The following GRID2 variants were observed in gnomAD, a reference collection of about 807,000 sequenced individuals.
GRID2 encodes glutamate receptor ionotropic, delta-2.
Under a neutral mutation model 114.8 loss-of-function variants are expected in GRID2, and 33 were observed. The ratio of observed to expected loss-of-function variants is 0.29; its 90% CI spans 0.22 to 0.38. The LOEUF (loss-of-function observed/expected upper bound fraction) is 0.38, where lower values mean the gene tolerates loss of function less well. Ranked by LOEUF, GRID2 falls within the 10% of genes least tolerant of loss-of-function variation. The pLI, the probability that GRID2 is intolerant of heterozygous loss-of-function variation, is 1.00. For missense variants in GRID2, 1,184 were observed against 1,257.7 expected, an observed-to-expected ratio of 0.94 and a Z score of 0.89; for synonymous variants, 505 against 449.9, an observed-to-expected ratio of 1.12 and a Z score of -1.55.
intron 1 of GRID2, among the ~76,000 whole-genome samples, chr4:92,579,652 A>C (rs1283672059): frequency 2.0e-5 from 3 of 151,872 alleles, no homozygotes; most frequent in African/African-American, 7.2e-5. Context: ...TCTGATTCTT[A>C]GTCTCCTCAA....
intron 2 of GRID2, among the ~76,000 whole-genome samples, chr4:92,918,557 A>G (rs1368669470): frequency 6.6e-6 from 1 of 152,182 alleles, no homozygotes. Context: ...AGTTTTTAGC[A>G]TGAAGGGTTG....
At chr4:92,403,462 C>T (rs1014879419) in intron 1 of GRID2, among the ~76,000 whole-genome samples, 1 of 151,808 alleles carries the variant, frequency 6.6e-6, no homozygotes, top group Admixed American at 6.6e-5. Flanking sequence ...CTTTGGGAGG[C>T]TGAAGCAGGC....
rs1721861405 is a variant in GRID2, at chr4:93,644,010, T to A, written c.2360+17575T>A. 2.2e-5 allele frequency among the ~76,000 whole-genome samples: 2 copies of A among 91,610 alleles called. 1 individual carries two copies. The highest frequency in any genetic ancestry group is 7.3e-4 in the South Asian group (2 of 2,740). 60.1% of individuals were successfully genotyped at this position (91,610 alleles called of 152,430 possible). ...TCCGAGCCAGGTGTGGGATATAGTC[T>A]CGTGGTGCGCCGTTTCTTAAGCCGG... On this transcript the variant is annotated intron_variant, in intron 14 of 15. Transcript: ENST00000282020.
intron 4 of GRID2, among the ~76,000 whole-genome samples, chr4:93,126,274 T>C (rs1324718204): frequency 6.6e-6 from 1 of 152,158 alleles, no homozygotes; most frequent in African/African-American, 2.4e-5. Flanking sequence ...CCAGTTTTAA[T>C]GAGGGGAAAA....
At chr4:92,768,979 T>C (rs750867362) in intron 2 of GRID2, among the ~76,000 whole-genome samples, 9 of 152,204 alleles carry the variant, frequency 5.9e-5, no homozygotes, top group Non-Finnish European at 5.9e-5. Context: ...TTATGCCTTC[T>C]GAACAGTCTC....
chr4:93,613,384 C>T (rs1483701811), intron 13 of GRID2, among the ~76,000 whole-genome samples: 10 of 136,672 alleles, frequency 7.3e-5, no homozygotes, highest in Non-Finnish European at 3.2e-5. Context: ...GGAGGAGAGG[C>T]GCTCTGCGTT....
At chr4:92,309,996 G>A (rs1009840481) in intron 1 of GRID2, among the ~76,000 whole-genome samples, 2 of 151,608 alleles carry the variant, frequency 1.3e-5, no homozygotes, top group Non-Finnish European at 3.0e-5. Context: ...AAATAGAGTT[G>A]TGGGGAAAAA....
At chr4:92,440,766 G>C (rs1733010409) in intron 1 of GRID2, among the ~76,000 whole-genome samples, 1 of 151,970 alleles carries the variant, frequency 6.6e-6, no homozygotes, top group African/African-American at 2.4e-5. Context: ...AGGAAATTTG[G>C]GGAAATGGGG....
intron 2 of GRID2, among the ~76,000 whole-genome samples, chr4:92,664,338 G>T (rs954377974): frequency 6.6e-6 from 1 of 150,766 alleles, no homozygotes; most frequent in Non-Finnish European, 1.5e-5. Context: ...CGATCAATTG[G>T]TTGTGTAAGA....
intron 1 of GRID2, among the ~76,000 whole-genome samples, chr4:93,804,480 G>A (rs1018689962): frequency 6.6e-6 from 1 of 151,632 alleles, no homozygotes; most frequent in Admixed American, 6.6e-5. Context: ...GTAAGTATTT[G>A]CATATCTACA....
chr4:93,258,542 A>G (rs1280381366), intron 8 of GRID2, among the ~76,000 whole-genome samples: 1 of 151,666 alleles, frequency 6.6e-6, no homozygotes, highest in African/African-American at 2.4e-5. Flanking sequence ...TTTCAAAGAC[A>G]TGTTTTGAAA....
Position 93,792,463 on chromosome 4 carries a change from G to A in GRID2, c.222-14252G>A, listed in dbSNP as rs1183565886. ...CCGCAAAATGAAAACTGAAAACTGAGTTAGGCCAATGCAAAATTATGAATT... is the reference window on the plus strand; with the variant it reads ...CCGCAAAATGAAAACTGAAAACTGAATTAGGCCAATGCAAAATTATGAATT... On this transcript the variant is annotated intron_variant, in intron 1 of 1. Transcript: ENST00000637838. Among the ~76,000 whole-genome samples the A allele has an allele frequency of 3.3e-5, 5 of 152,054 alleles. No individual in the cohort carries two copies. In the East Asian group the frequency reaches 9.7e-4, roughly 29 times the overall value.
chr4:93,757,776 T>A (rs1442519144), intron 14 of GRID2, among the ~76,000 whole-genome samples: 1 of 152,048 alleles, frequency 6.6e-6, no homozygotes. Flanking sequence ...GCCAATGTGG[T>A]GAAACCCCAT....
intron 1 of GRID2, among the ~76,000 whole-genome samples, chr4:92,315,340 A>G (rs1329726805): frequency 6.6e-6 from 1 of 152,154 alleles, no homozygotes; most frequent in Non-Finnish European, 1.5e-5. Flanking sequence ...TATTTGAACA[A>G]TGAGAGGGTA....
chr4:93,159,337 G>A lies in GRID2; in HGVS notation c.736-48067G>A, dbSNP rs371685505. 7.2e-5 allele frequency among the ~76,000 whole-genome samples: 11 copies of A among 151,932 alleles called. No individual in the cohort carries two copies. The East Asian group carries it at 9.7e-4, about 13-fold the overall frequency. The stretch of plus-strand genomic sequence containing the variant: ...GCTGGATCCAGGACTATCTGTAGAA[G>A]CTAAGAATCATAGTGCTGAGAAAAG... On this transcript the variant is annotated intron_variant, in intron 4 of 15. Transcript: ENST00000282020.
At chr4:93,425,420 T>C (rs1052861844) in intron 10 of GRID2, among the ~76,000 whole-genome samples, 2 of 152,156 alleles carry the variant, frequency 1.3e-5, no homozygotes, top group African/African-American at 4.8e-5. Flanking sequence ...GTCCACATAT[T>C]TCTAAGATAT....
intron 8 of GRID2, among the ~76,000 whole-genome samples, chr4:93,286,360 T>C (rs1753151879): frequency 6.6e-6 from 1 of 152,242 alleles, no homozygotes; most frequent in East Asian, 1.9e-4. Flanking sequence ...GCTCCCAGTA[T>C]TATCAATTTT....
intron 1 of GRID2, among the ~76,000 whole-genome samples, chr4:92,442,043 G>T (rs2149068259): frequency 6.6e-6 from 1 of 151,702 alleles, no homozygotes; most frequent in East Asian, 1.9e-4. Flanking sequence ...TAGAAGCCTG[G>T]CCGTCAATAC....
chr4:92,318,199 G>A (rs1291753856), intron 1 of GRID2, among the ~76,000 whole-genome samples: 1 of 151,398 alleles, frequency 6.6e-6, no homozygotes, highest in Non-Finnish European at 1.5e-5. Flanking sequence ...GGAAGGTGAT[G>A]TGATGGAGAG....
Sources: allele counts gnomAD v4.1 joint callset (sites outside exome capture counted in the v4.1 genomes callset), GRCh38; gene constraint gnomAD v4.1.1; transcripts MANE v1.5; gene names NCBI Gene and HGNC (gene_info 2026-07-23, HGNC 2026-07-21).